LRP1B: variants seen among roughly 807,000 people sequenced by gnomAD.
The protein encoded by LRP1B is low-density lipoprotein receptor-related protein 1B.
In LRP1B, 217 loss-of-function variants were observed where a neutral mutation model predicts 556.6. The ratio of observed to expected loss-of-function variants is 0.39; its 90% CI spans 0.35 to 0.44. The LOEUF is 0.44. Ranked by LOEUF, LRP1B falls within the 20% of genes least tolerant of loss-of-function variation. LRP1B has a pLI of 1.00. For synonymous variants in LRP1B, 2,047 were observed against 1,865.8 expected, an observed-to-expected ratio of 1.10 and a Z score of -2.50; for missense variants, 5,053 against 5,620.8, an observed-to-expected ratio of 0.90 and a Z score of 3.23.
intron 7 of LRP1B, among the ~76,000 whole-genome samples, chr2:141,097,288 A>C (rs1700346970): frequency 6.6e-6 from 1 of 152,164 alleles, no homozygotes; most frequent in African/African-American, 2.4e-5. Flanking sequence ...AACAAACAAA[A>C]ATCTCTGTGC....
chr2:141,553,915 A>G (rs1685856072), intron 2 of LRP1B, among the ~76,000 whole-genome samples: 2 of 118,666 alleles, frequency 1.7e-5, no homozygotes, highest in South Asian at 5.7e-4. Flanking sequence ...TAGTTATATA[A>G]TATATCTATA....
rs72540281 is a variant in LRP1B at position 141,224,165 on chromosome 2, CAA to C, written c.850+5016_850+5017del. ...AAACAAATTGACACACACACACACACAAACATTAAAAAGTGAGCAAAGGACAT... is the reference window on the plus strand; with the variant it reads ...AAACAAATTGACACACACACACACACACATTAAAAAGTGAGCAAAGGACAT... On this transcript the variant is annotated intron_variant, in intron 6 of 90. Transcript: ENST00000389484. 2.0e-5 allele frequency among the ~76,000 whole-genome samples: 3 copies of C among 151,588 alleles called. No individual in the cohort carries two copies. The East Asian group carries it at 5.8e-4, about 29-fold the overall frequency.
At chr2:140,854,512 G>T (rs1016985760) in intron 27 of LRP1B, among the ~76,000 whole-genome samples, 1 of 152,042 alleles carries the variant, frequency 6.6e-6, no homozygotes, top group South Asian at 2.1e-4. Flanking sequence ...TTATTTCAAA[G>T]TTTCTTTCCA....
At chr2:140,355,763 T>C (rs1433573594) in intron 75 of LRP1B, among the ~76,000 whole-genome samples, 3 of 151,968 alleles carry the variant, frequency 2.0e-5, no homozygotes, top group Non-Finnish European at 4.4e-5. Flanking sequence ...GGTTCTATAG[T>C]TAGAACACTG....
At chr2:141,338,594 C>G (rs1242295237) in intron 3 of LRP1B, among the ~76,000 whole-genome samples, 2 of 152,144 alleles carry the variant, frequency 1.3e-5, no homozygotes, top group East Asian at 3.9e-4. Flanking sequence ...GATTTTACAC[C>G]TGCATTCAGA....
intron 2 of LRP1B, among the ~76,000 whole-genome samples, chr2:141,484,052 G>C: frequency 6.6e-6 from 1 of 152,112 alleles, no homozygotes; most frequent in Non-Finnish European, 1.5e-5. Flanking sequence ...TCTATGTCCT[G>C]AACGGTATTG....
intron 1 of LRP1B, among the ~76,000 whole-genome samples, chr2:142,026,306 T>C (rs1703499758): frequency 6.6e-6 from 1 of 152,020 alleles, no homozygotes; most frequent in Non-Finnish European, 1.5e-5. Flanking sequence ...ACCATTTTTC[T>C]CTCTCAGCTT....
At chr2:141,583,289 C>G (rs62166486) in intron 2 of LRP1B, among the ~76,000 whole-genome samples, 27,786 of 151,950 alleles carry the variant, frequency 0.18, 4,124 homozygotes, top group African/African-American at 0.41. Context: ...AAAAATAAAG[C>G]CTAGTAAATG....
chr2:141,320,518 G>A (rs374572063), intron 3 of LRP1B, among the ~76,000 whole-genome samples: 22 of 152,130 alleles, frequency 1.4e-4, no homozygotes, highest in African/African-American at 4.6e-4. Context: ...TGATGCGGAG[G>A]ACCACTCCTA....
At chr2:141,459,022 A>C (rs1681748808) in intron 3 of LRP1B, among the ~76,000 whole-genome samples, 1 of 152,198 alleles carries the variant, frequency 6.6e-6, no homozygotes, top group Non-Finnish European at 1.5e-5. Context: ...ACAAAATGGC[A>C]GTCCAGAAAC....
chr2:140,537,064 G>C (rs958225482), intron 45 of LRP1B, among the ~76,000 whole-genome samples: 1 of 150,944 alleles, frequency 6.6e-6, no homozygotes, highest in African/African-American at 2.4e-5. Context: ...CCAGCTACTT[G>C]GGAGGTTGAG....
At position 141,413,030 on chromosome 2, in the gene LRP1B, C is replaced by T. The variant is rs1447195028; in HGVS notation, c.343+67366G>A. On this transcript the variant is annotated intron_variant, in intron 3 of 90. Coordinates refer to ENST00000389484, the MANE Select transcript of LRP1B (RefSeq NM_018557.3). ...AGACTTAAGGCTAGGAGTTCAGTAA[C>T]AGCCTGGACAGCACAGTGAGACCCC... is the stretch of plus-strand genomic sequence containing the variant. Among the ~76,000 whole-genome samples the T allele has an allele frequency of 3.3e-5, 5 of 152,222 alleles. No individual in the cohort carries two copies. In the East Asian group the frequency reaches 7.8e-4, roughly 24 times the overall value.
chr2:140,866,240 C>A (rs1445547702), intron 27 of LRP1B, among the ~76,000 whole-genome samples: 1 of 152,070 alleles, frequency 6.6e-6, no homozygotes, highest in East Asian at 1.9e-4. Flanking sequence ...TTGTCATCTA[C>A]AGTGTTTGCT....
At chr2:142,013,952 T>C (rs1338121738) in intron 1 of LRP1B, among the ~76,000 whole-genome samples, 1 of 152,192 alleles carries the variant, frequency 6.6e-6, no homozygotes, top group Non-Finnish European at 1.5e-5. Context: ...CCAGATATCC[T>C]GATATCTGCA....
At chr2:140,824,250 CT>C (rs961316639) in intron 31 of LRP1B, among the ~76,000 whole-genome samples, 14 of 151,766 alleles carry the variant, frequency 9.2e-5, no homozygotes, top group South Asian at 2.1e-4. Flanking sequence ...TGAAAATACT[CT>C]TTTTTTTAAA....
At chr2:141,956,464 A>G (rs1701255755) in intron 1 of LRP1B, among the ~76,000 whole-genome samples, 1 of 151,974 alleles carries the variant, frequency 6.6e-6, no homozygotes, top group Non-Finnish European at 1.5e-5. Flanking sequence ...GCAGTTTTTT[A>G]CATATTCTGG....
chr2:141,866,732 A>G (rs1698425071), intron 1 of LRP1B, among the ~76,000 whole-genome samples: 1 of 152,008 alleles, frequency 6.6e-6, no homozygotes, highest in Admixed American at 6.6e-5. Context: ...AGAGGGAAAG[A>G]AAAGAAAGAA....
At chr2:141,199,657 T>C (rs2105221634) in intron 6 of LRP1B, among the ~76,000 whole-genome samples, 1 of 152,332 alleles carries the variant, frequency 6.6e-6, no homozygotes, top group Admixed American at 6.5e-5. Flanking sequence ...ATAATTTATG[T>C]CTTCAAGAAC....
intron 2 of LRP1B, among the ~76,000 whole-genome samples, chr2:141,522,194 G>A (rs1284875119): frequency 2.6e-5 from 4 of 152,116 alleles, no homozygotes; most frequent in East Asian, 1.9e-4. Flanking sequence ...GACAGTGGCC[G>A]AACAATCTGT....
Sources: allele counts gnomAD v4.1 joint callset (sites outside exome capture counted in the v4.1 genomes callset), GRCh38; gene constraint gnomAD v4.1.1; transcripts MANE v1.5; gene names NCBI Gene and HGNC (gene_info 2026-07-23, HGNC 2026-07-21).